DNAH5: variants seen among roughly 807,000 people sequenced by gnomAD.
DNAH5 encodes the protein axonemal beta dynein heavy chain 5.
Under a neutral mutation model 518.2 loss-of-function variants are expected in DNAH5, and 372 were observed. The ratio of observed to expected loss-of-function variants is 0.72; its 90% CI spans 0.66 to 0.78. DNAH5 has a LOEUF of 0.78. Ranked by LOEUF, DNAH5 falls within the 30% of genes least tolerant of loss-of-function variation. The pLI, the probability that DNAH5 is intolerant of heterozygous loss-of-function variation, is 0.00. For missense variants in DNAH5, 5,523 were observed against 5,687.0 expected (o/e 0.97, Z 0.93); for synonymous variants, 2,039 against 2,025.9 (o/e 1.01, Z -0.17).
At chr5:13,991,259 C>T (rs1344491341) in intron 1 of DNAH5, among the ~76,000 whole-genome samples, 1 of 152,180 alleles carries the variant, frequency 6.6e-6, no homozygotes, top group Admixed American at 6.5e-5. Flanking sequence ...AACTTTGTCT[C>T]CTTCAAGACC....
In DNAH5 at chr5:13,882,953, A is replaced by G; in HGVS notation, c.3125T>C (p.Ile1042Thr). 6.2e-7 allele frequency: 1 copy of G among 1,614,160 alleles called. No homozygotes were observed. The highest frequency in any genetic ancestry group is 8.5e-7 in the Non-Finnish European group (1 of 1,180,020). ...CTGTCTGACCCCCTTAGGGACACTG[A>G]TGATGCACTCCACGGCTTTGTTCAG... ...QTLNKAVECI[I>T]SVPKGVRQWS... Residue 1042 changes from isoleucine (I) to threonine (T), a missense_variant, in exon 20 of 79, where the codon ATC becomes ACC. This residue lies in a region of DNAH5 where 5,121 missense variants were observed against 5,223.3 expected (regional missense o/e 0.98). Transcript: ENST00000265104.
At chr5:13,705,333 T>C (rs1742649492) in intron 76 of DNAH5, among the ~76,000 whole-genome samples, 1 of 152,234 alleles carries the variant, frequency 6.6e-6, no homozygotes, top group Non-Finnish European at 1.5e-5. Context: ...GAGTGGCTTT[T>C]AGGCCTGAAC....
chr5:13,718,773 G>A (rs1744643706), intron 72 of DNAH5, 109 bp downstream of exon 72: 1 of 901,674 alleles, frequency 1.1e-6, no homozygotes, highest in East Asian at 2.6e-5. Context: ...AGGTTAAACA[G>A]TAGTACTATT....
chr5:13,967,883 T>G (rs6882119), intron 1 of DNAH5, among the ~76,000 whole-genome samples: 7 of 151,088 alleles, frequency 4.6e-5, no homozygotes, highest in Admixed American at 2.7e-4. Context: ...GGAATTGCAT[T>G]GAATTTGTAG....
At chr5:13,783,854 G>A (rs1414277307) in intron 52 of DNAH5, among the ~76,000 whole-genome samples, 1 of 152,206 alleles carries the variant, frequency 6.6e-6, no homozygotes, top group Non-Finnish European at 1.5e-5. Context: ...GAGCGTGGAA[G>A]CGCTGTGCAC....
intron 31 of DNAH5, among the ~76,000 whole-genome samples, chr5:13,847,861 G>A (rs1766254624): frequency 6.6e-6 from 1 of 152,118 alleles, no homozygotes; most frequent in African/African-American, 2.4e-5. Context: ...AGGTAGTCCA[G>A]TAGACAGTTC....
intron 40 of DNAH5, 65 bp from the exon 41 acceptor site, chr5:13,820,564 C>T (rs1762087267): frequency 5.0e-6 from 8 of 1,587,168 alleles, no homozygotes; most frequent in Non-Finnish European, 6.9e-6. Context: ...GTGGCTCACG[C>T]CTGTAATCCC....
At chr5:13,949,413 T>C (rs950769479), upstream of DNAH5, among the ~76,000 whole-genome samples, 6 of 152,184 alleles carry the variant, frequency 3.9e-5, no homozygotes, top group East Asian at 3.8e-4. Context: ...TGAGCTATAC[T>C]CACAAAAGAA....
Position 13,919,335 on chromosome 5 carries a change from A to G in DNAH5, c.816T>C (p.Asn272=). 1.9e-6 allele frequency: 3 copies of G among 1,614,006 alleles called. No homozygotes were observed. The highest frequency in any genetic ancestry group is 2.2e-5 in the East Asian group (1 of 44,884). The change falls in exon 7 of 79, where the codon AAT becomes AAC. Residue 272 remains asparagine (N), a synonymous_variant. Coordinates refer to ENST00000265104, the MANE Select transcript of DNAH5 (RefSeq NM_001369.3). ...CGTCATCCGCTTCCTTCAGCAGCTGATTGTTTTCAGCAAGAACCTGCAAAT... is the reference window on the plus strand; with the variant it reads ...CGTCATCCGCTTCCTTCAGCAGCTGGTTGTTTTCAGCAAGAACCTGCAAAT... ...KQTEQVLAEN[N]QLLKEADDVG...
intron 47 of DNAH5, among the ~76,000 whole-genome samples, chr5:13,805,803 G>A (rs1759491069): frequency 6.6e-6 from 1 of 152,136 alleles, no homozygotes; most frequent in Non-Finnish European, 1.5e-5. Context: ...GTGAATTATG[G>A]AAACTGAGAG....
intron 1 of DNAH5, among the ~76,000 whole-genome samples, chr5:13,942,115 C>A (rs1393831926): frequency 6.6e-6 from 1 of 151,966 alleles, no homozygotes; most frequent in Non-Finnish European, 1.5e-5. Context: ...TGCAAATGAG[C>A]GAATGAATAT....
intron 18 of DNAH5, 69 bp downstream of exon 18, chr5:13,885,895 G>A (rs997581491): frequency 1.9e-5 from 27 of 1,404,736 alleles, no homozygotes; most frequent in Admixed American, 5.2e-5. Context: ...TTGGTATGTA[G>A]AAAATGCAGT....
At chr5:13,919,526 A>C (rs1032369053) in intron 6 of DNAH5, 174 bp from the exon 7 acceptor site, 1 of 650,578 alleles carries the variant, frequency 1.5e-6, no homozygotes, top group Non-Finnish European at 2.4e-6. Flanking sequence ...CATTTTTAAA[A>C]CTTCAACGAA....
chr5:13,850,859 C>T, intron 30 of DNAH5, 44 bp from the exon 31 acceptor site: 1 of 1,597,710 alleles, frequency 6.3e-7, no homozygotes, highest in South Asian at 1.1e-5. Flanking sequence ...TTGGACACAT[C>T]TGTGATCCCA....
chr5:13,900,872 C>A, intron 14 of DNAH5: 1 of 321,164 alleles, frequency 3.1e-6, no homozygotes, highest in South Asian at 3.4e-5. Context: ...CTATGATTAA[C>A]CAGTTGTACA....
chr5:13,952,404 G>A (rs1780485825), intron 1 of DNAH5, among the ~76,000 whole-genome samples: 1 of 152,160 alleles, frequency 6.6e-6, no homozygotes, highest in Non-Finnish European at 1.5e-5. Context: ...TAGGCTCAGG[G>A]AGACATCAAA....
chr5:13,941,695 C>T (rs1046730136), intron 1 of DNAH5, among the ~76,000 whole-genome samples: 8 of 152,238 alleles, frequency 5.3e-5, no homozygotes, highest in Non-Finnish European at 1.2e-4. Context: ...TCTCTTCCCC[C>T]ACAGCTTCTA....
chr5:13,793,175 A>G (rs1002378626), intron 49 of DNAH5, among the ~76,000 whole-genome samples: 3 of 152,216 alleles, frequency 2.0e-5, no homozygotes, highest in Admixed American at 1.3e-4. Flanking sequence ...GAACATAGCA[A>G]TCCAGACCTC....
chr5:13,721,367 GGCAA>G, intron 70 of DNAH5, 122 bp from the exon 71 acceptor site: 1 of 1,160,270 alleles, frequency 8.6e-7, no homozygotes, highest in Non-Finnish European at 1.3e-6. Context: ...AACCCTGTCA[GGCAA>G]ACAGGGTAGA....
Sources: allele counts gnomAD v4.1 joint callset (sites outside exome capture counted in the v4.1 genomes callset), GRCh38; gene constraint gnomAD v4.1.1; regional missense constraint gnomAD v4.1.1; transcripts MANE v1.5; gene names NCBI Gene and HGNC (gene_info 2026-07-23, HGNC 2026-07-21).